The following BAIAP2 variants were observed in gnomAD, a reference collection of about 807,000 sequenced individuals.
BAIAP2 encodes BAR/IMD domain-containing adapter protein 2.
In BAIAP2, 18 loss-of-function variants were observed where a neutral mutation model predicts 63.0. That is an observed-to-expected ratio of 0.29 (90% CI 0.20 to 0.42). The LOEUF (loss-of-function observed/expected upper bound fraction) is 0.42, where lower values mean the gene tolerates loss of function less well. BAIAP2 is among the 10% of genes least tolerant of loss of function. BAIAP2 has a pLI of 1.00. For missense variants in BAIAP2, 610 were observed against 734.3 expected (o/e 0.83, Z 1.96); for synonymous variants, 386 against 307.6 (o/e 1.25, Z -2.67).
chr17:81,057,729 A>C, intron 2 of BAIAP2, 152 bp from the exon 3 acceptor site: 1 of 1,411,008 alleles, frequency 7.1e-7, no homozygotes. Flanking sequence ...GGTTCTGTCC[A>C]ACCCAGAAAT....
chr17:81,075,512 C>T (rs146981446), intron 3 of BAIAP2, among the ~76,000 whole-genome samples: 75 of 152,322 alleles, frequency 4.9e-4, no homozygotes, highest in Non-Finnish European at 1.0e-3. Context: ...CAGGGATGAG[C>T]AGTTAATCCT....
intron 13 of BAIAP2, chr17:81,109,427 T>C: frequency 1.0e-6 from 1 of 1,000,684 alleles, no homozygotes; most frequent in Non-Finnish European, 1.2e-6. Flanking sequence ...AAGGACTTTT[T>C]TTTTCCTGAA....
intron 3 of BAIAP2, among the ~76,000 whole-genome samples, chr17:81,064,751 C>T (rs138302299): frequency 1.3e-5 from 2 of 152,204 alleles, no homozygotes; most frequent in South Asian, 2.1e-4. Context: ...GAGGCAGCCT[C>T]GGGCTTTGTG....
At chr17:81,043,241 C>T (rs948608457) in intron 1 of BAIAP2, among the ~76,000 whole-genome samples, 1 of 152,212 alleles carries the variant, frequency 6.6e-6, no homozygotes, top group East Asian at 1.9e-4. Flanking sequence ...GACCTGGGTC[C>T]CCCCATACCC....
At chr17:81,067,330 G>A (rs920111119) in intron 3 of BAIAP2, among the ~76,000 whole-genome samples, 2 of 152,236 alleles carry the variant, frequency 1.3e-5, no homozygotes, top group East Asian at 1.9e-4. Context: ...TCGCAGAGGC[G>A]CGTGCTCCTG....
chr17:81,097,975 G>A (rs2057916540), intron 6 of BAIAP2: 1 of 556,494 alleles, frequency 1.8e-6, no homozygotes, highest in Non-Finnish European at 2.7e-6. Flanking sequence ...CCACTGTCGG[G>A]CTGGGGTTCT....
chr17:81,093,654 G>A (rs553748594), intron 6 of BAIAP2, among the ~76,000 whole-genome samples: 2 of 152,262 alleles, frequency 1.3e-5, no homozygotes, highest in South Asian at 4.1e-4. Flanking sequence ...GCTGGTGGGG[G>A]GCATTGGTGC....
Position 81,073,378 on chromosome 17 carries a change from C to T in BAIAP2, c.218-11454C>T, listed in dbSNP as rs1384592082. Reference sequence around the variant, plus strand: ...GGTGGAGGCTGTGCTGCTCCCCTCACCCTGGGCTCAGCCAGGGCCGCCAGC... The same window carrying T: ...GGTGGAGGCTGTGCTGCTCCCCTCATCCTGGGCTCAGCCAGGGCCGCCAGC... On this transcript the variant is annotated intron_variant, in intron 3 of 13. Transcript: ENST00000428708. 2.0e-5 allele frequency among the ~76,000 whole-genome samples: 3 copies of T among 152,334 alleles called. No individual in the cohort carries two copies. The East Asian group carries it at 5.8e-4, about 29-fold the overall frequency.
Position 81,108,473 on chromosome 17 carries a change from A to G in BAIAP2, c.1501-2A>G. 6.2e-7 allele frequency: 1 copy of G among 1,613,756 alleles called. No individual in the cohort carries two copies. ...CTGACATGTTTCTGCCTCTGCCCCC[A>G]GGGCCTGGATGACTATGGAGCGCGG... On this transcript the variant is annotated splice_acceptor_variant, in intron 12 of 13. Coordinates refer to ENST00000428708, the MANE Select transcript of BAIAP2 (RefSeq NM_001144888.2). LOFTEE classifies it high-confidence loss of function.
At position 81,110,109 on chromosome 17, in the gene BAIAP2, TCAGCCTG is replaced by T. The variant is rs548363681; in HGVS notation, c.1535+1602_1535+1608del. 7.3e-5 allele frequency: 72 copies of T among 985,498 alleles called. 1 individual carries two copies. The East Asian group carries it at 5.4e-3, about 75-fold the overall frequency. The allele number at this position is 985,498 out of a possible 1,614,324, so 61.0% of individuals were successfully genotyped here. A position where few individuals can be genotyped will look rare whatever the true frequency, so the allele number is the denominator to read the frequency against. Reference sequence around the variant, plus strand: ...AATTGAGTGCAGGGCACAGCCCGGCTCAGCCTGCCCGCTGGTGGGAGCCCCTGGGAAG... The same window carrying T: ...AATTGAGTGCAGGGCACAGCCCGGCTCCCGCTGGTGGGAGCCCCTGGGAAG... On this transcript the variant is annotated intron_variant, in intron 13 of 13. Transcript: ENST00000428708.
intron 3 of BAIAP2, among the ~76,000 whole-genome samples, chr17:81,073,142 C>T (rs1247575987): frequency 6.6e-6 from 1 of 152,098 alleles, no homozygotes; most frequent in African/African-American, 2.4e-5. Flanking sequence ...CTTCTGTCCC[C>T]ATGACCCTCC....
chr17:81,112,946 C>T (rs1939761361), intron 13 of BAIAP2, among the ~76,000 whole-genome samples: 1 of 152,136 alleles, frequency 6.6e-6, no homozygotes, highest in Non-Finnish European at 1.5e-5. Context: ...GTCCCAGCTT[C>T]TCAGGAGGCT....
chr17:81,060,944 G>A (rs1460936742), intron 3 of BAIAP2, among the ~76,000 whole-genome samples: 1 of 152,054 alleles, frequency 6.6e-6, no homozygotes, highest in Non-Finnish European at 1.5e-5. Context: ...GCAACATGGT[G>A]AAACCCCCAT....
At chr17:81,109,746 A>C (rs914585386) in intron 13 of BAIAP2, 2 of 985,388 alleles carry the variant, frequency 2.0e-6, no homozygotes, top group Non-Finnish European at 2.4e-6. Context: ...GGCGGGAGCA[A>C]GGTCGGGGGC....
At chr17:81,085,351 T>A (rs749121282) in intron 4 of BAIAP2, 35 of 567,536 alleles carry the variant, frequency 6.2e-5, no homozygotes, top group Middle Eastern at 2.7e-4. Flanking sequence ...CCTCTCAGCC[T>A]GTGTCGCAGT....
chr17:81,077,315 C>T (rs113932022), intron 3 of BAIAP2, among the ~76,000 whole-genome samples: 34,187 of 152,042 alleles, frequency 0.22, 4,262 homozygotes, highest in East Asian at 0.49. Flanking sequence ...GCCTGTAATC[C>T]CAGCACTTTG....
intron 3 of BAIAP2, among the ~76,000 whole-genome samples, chr17:81,064,854 G>A (rs1317421229): frequency 6.6e-6 from 1 of 152,198 alleles, no homozygotes. Context: ...TAACTCTCAG[G>A]GCTTTGCTTT....
In BAIAP2 at chr17:81,086,368, C is replaced by T. The variant is rs995661571; in HGVS notation, c.352-75C>T. The T allele has an allele frequency of 7.7e-6, 12 of 1,565,302 alleles. No homozygotes were observed. The African/African-American group carries it at 8.2e-5, about 11-fold the overall frequency. ...CCCGTTGCGTTGGGCTCATGGGCCTCGGTTTTGCTGCCAGTGGTCCGCGCT... is the reference window on the plus strand; with the variant it reads ...CCCGTTGCGTTGGGCTCATGGGCCTTGGTTTTGCTGCCAGTGGTCCGCGCT... On this transcript the variant is annotated intron_variant, in intron 5 of 13. Transcript: ENST00000428708.
At chr17:81,087,189 C>T (rs1291919168) in intron 6 of BAIAP2, among the ~76,000 whole-genome samples, 1 of 152,202 alleles carries the variant, frequency 6.6e-6, no homozygotes, top group Non-Finnish European at 1.5e-5. Flanking sequence ...AAACACAAAA[C>T]AAGATGCCCA....
Sources: gnomAD v4.1 joint callset for allele counts (sites outside exome capture counted in the v4.1 genomes callset) on GRCh38, gnomAD v4.1.1 for gene constraint, MANE v1.5 for transcripts, NCBI Gene and HGNC (gene_info 2026-07-23, HGNC 2026-07-21) for gene names.